Variants in ITPR2 observed in about 807,000 individuals in gnomAD.
ITPR2 encodes the protein inositol 1,4,5-trisphosphate receptor type 2.
In ITPR2, 207 loss-of-function variants were observed where a neutral mutation model predicts 317.1. The ratio of observed to expected loss-of-function variants is 0.65; its 90% CI spans 0.58 to 0.73. The LOEUF is 0.73. Ranked by LOEUF, ITPR2 falls within the 30% of genes least tolerant of loss-of-function variation. The pLI, the probability that ITPR2 is intolerant of heterozygous loss-of-function variation, is 0.00. For synonymous variants in ITPR2, 1,156 were observed against 1,149.1 expected, an observed-to-expected ratio of 1.01 and a Z score of -0.12; for missense variants, 2,613 against 3,284.0, an observed-to-expected ratio of 0.80 and a Z score of 4.99.
At chr12:26,628,515 T>TG (rs1041831478) in intron 22 of ITPR2, among the ~76,000 whole-genome samples, 5 of 152,212 alleles carry the variant, frequency 3.3e-5, no homozygotes, top group African/African-American at 1.2e-4. Flanking sequence ...AGGAGACTGT[T>TG]GGAGGTGTGA....
At chr12:26,411,455 C>A in intron 51 of ITPR2, 43 bp from the exon 52 acceptor site, 1 of 1,341,540 alleles carries the variant, frequency 7.5e-7, no homozygotes, top group South Asian at 1.2e-5. Context: ...GTCAAATATG[C>A]ACATGATGAA....
Position 26,483,716 on chromosome 12 carries a change from G to C in ITPR2, c.5994C>G (p.Gly1998=). The stretch of plus-strand genomic sequence containing the variant: ...TGGTTACCTGATTTTCATGGCAAGG[G>C]CCCTGGCAATACTCAGTCAAGCTCT... The part of the protein sequence containing the change: ...NLESLTEYCQ[G]PCHENQTCIA... Residue 1998 remains glycine, a synonymous_variant, in exon 42 of 57, where the codon GGC becomes GGG. Coordinates refer to ENST00000381340, the MANE Select transcript of ITPR2 (RefSeq NM_002223.4). 6.2e-7 allele frequency: 1 copy of C among 1,613,690 alleles called. No individual in the cohort carries two copies. Among genetic ancestry groups the C allele is most frequent in the Non-Finnish European group, 8.5e-7 (1 of 1,179,606 alleles).
At chr12:26,813,527 C>G (rs191859420) in intron 1 of ITPR2, among the ~76,000 whole-genome samples, 1 of 152,256 alleles carries the variant, frequency 6.6e-6, no homozygotes, top group African/African-American at 2.4e-5. Context: ...GTTTCAGAAA[C>G]TCCCCTCCCT....
chr12:26,541,579 C>A (rs1944262987), intron 37 of ITPR2, among the ~76,000 whole-genome samples: 1 of 152,186 alleles, frequency 6.6e-6, no homozygotes, highest in East Asian at 1.9e-4. Context: ...GTCTATGTAG[C>A]ATTTCTATTT....
chr12:26,559,902 C>A (rs1008907246), intron 35 of ITPR2, among the ~76,000 whole-genome samples: 2 of 152,132 alleles, frequency 1.3e-5, no homozygotes. Flanking sequence ...TACAGGGCCA[C>A]CCTCCCAGTA....
Position 26,524,610 on chromosome 12 carries a change from A to T in ITPR2, c.5073+25637T>A, listed in dbSNP as rs140378508. 5.8e-3 allele frequency among the ~76,000 whole-genome samples: 876 copies of T among 152,344 alleles called. 11 individuals carry two copies. The highest frequency in any genetic ancestry group is 0.02 in the African/African-American group (833 of 41,578). On this transcript the variant is annotated intron_variant, in intron 37 of 56. Transcript: ENST00000381340. ...TTTTGTTTTTAAATTTTTAAAAAAC[A>T]GGTCTATGTACAGGATCTTGAACTC...
chr12:26,379,344 A>C (rs958832537), intron 55 of ITPR2, among the ~76,000 whole-genome samples: 6 of 152,168 alleles, frequency 3.9e-5, no homozygotes, highest in African/African-American at 1.4e-4. Context: ...TACCCATGTC[A>C]GTTATATTAG....
chr12:26,374,790 A>T (rs1198345486), intron 55 of ITPR2, among the ~76,000 whole-genome samples: 4 of 152,188 alleles, frequency 2.6e-5, no homozygotes, highest in African/African-American at 7.2e-5. Flanking sequence ...AATCCCATCA[A>T]AGTAGCTGAC....
intron 45 of ITPR2, among the ~76,000 whole-genome samples, chr12:26,474,772 C>T (rs1334251095): frequency 6.8e-5 from 8 of 117,318 alleles, no homozygotes; most frequent in African/African-American, 1.6e-4. Flanking sequence ...CCAGCCTGGG[C>T]GACAGAGCGA....
At chr12:26,572,452 T>G (rs1945186416) in intron 34 of ITPR2, among the ~76,000 whole-genome samples, 1 of 152,206 alleles carries the variant, frequency 6.6e-6, no homozygotes, top group Non-Finnish European at 1.5e-5. Flanking sequence ...AAAAGGCCAA[T>G]TTGCTTCTTG....
chr12:26,659,828 T>C (rs1947455940), intron 15 of ITPR2, among the ~76,000 whole-genome samples: 1 of 152,246 alleles, frequency 6.6e-6, no homozygotes, highest in Admixed American at 6.5e-5. Context: ...CTGAAGATCC[T>C]AGATGGACTT....
intron 1 of ITPR2, among the ~76,000 whole-genome samples, chr12:26,824,435 C>A (rs1950982637): frequency 6.6e-6 from 1 of 152,018 alleles, no homozygotes; most frequent in African/African-American, 2.4e-5. Flanking sequence ...ATTTTTTCCA[C>A]AATACACCTT....
intron 41 of ITPR2, among the ~76,000 whole-genome samples, chr12:26,485,015 G>A (rs528999406): frequency 5.4e-5 from 8 of 148,154 alleles, no homozygotes; most frequent in South Asian, 2.1e-4. Flanking sequence ...GTGCCCGGCC[G>A]GAATACCATA....
intron 37 of ITPR2, among the ~76,000 whole-genome samples, chr12:26,523,611 C>T (rs944791480): frequency 1.3e-5 from 2 of 152,022 alleles, no homozygotes; most frequent in East Asian, 1.9e-4. Context: ...CCCACCCCTA[C>T]ATTATTTATC....
chr12:26,597,269 G>T, intron 30 of ITPR2, 135 bp from the exon 31 acceptor site: 1 of 1,000,496 alleles, frequency 1.0e-6, no homozygotes, highest in Non-Finnish European at 1.5e-6. Context: ...ACAGAGCTAT[G>T]CTTGGGGAGG....
intron 37 of ITPR2, among the ~76,000 whole-genome samples, chr12:26,496,409 A>C (rs886285181): frequency 6.6e-6 from 1 of 152,144 alleles, no homozygotes; most frequent in Non-Finnish European, 1.5e-5. Flanking sequence ...TTTAGGTATT[A>C]TCCTCAGTTC....
At chr12:26,719,885 TC>T in intron 5 of ITPR2, among the ~76,000 whole-genome samples, 1 of 152,186 alleles carries the variant, frequency 6.6e-6, no homozygotes, top group East Asian at 1.9e-4. Context: ...TGACCTTTAT[TC>T]CCTTTTAAAA....
At chr12:26,632,187 T>A (rs1169158365) in intron 21 of ITPR2, 128 bp from the exon 22 acceptor site, 1 of 547,228 alleles carries the variant, frequency 1.8e-6, no homozygotes. Flanking sequence ...CAGAATAGCA[T>A]AAGCATTGTT....
intron 1 of ITPR2, among the ~76,000 whole-genome samples, chr12:26,796,425 A>T (rs1950444544): frequency 6.6e-6 from 1 of 152,240 alleles, no homozygotes; most frequent in Non-Finnish European, 1.5e-5. Context: ...ATATCCAACA[A>T]ATTGGTAAAA....
Sources: allele counts gnomAD v4.1 joint callset (sites outside exome capture counted in the v4.1 genomes callset), GRCh38; gene constraint gnomAD v4.1.1; transcripts MANE v1.5; gene names NCBI Gene and HGNC (gene_info 2026-07-23, HGNC 2026-07-21).